The following CDH11 variants were observed in gnomAD, a reference collection of about 807,000 sequenced individuals.
The protein encoded by CDH11 is cadherin 11.
Under a neutral mutation model 67.8 loss-of-function variants are expected in CDH11, and 11 were observed. That is an observed-to-expected ratio of 0.16 (90% CI 0.10 to 0.27). The LOEUF (loss-of-function observed/expected upper bound fraction) is 0.27. CDH11 is among the 10% of genes least tolerant of loss of function. The pLI is 1.00. For synonymous variants in CDH11, 419 were observed against 400.0 expected, an observed-to-expected ratio of 1.05 and a Z score of -0.57; for missense variants, 847 against 1,031.2, an observed-to-expected ratio of 0.82 and a Z score of 2.45.
intron 1 of CDH11, among the ~76,000 whole-genome samples, chr16:65,083,260 C>A (rs1047945255): frequency 6.6e-6 from 1 of 152,178 alleles, no homozygotes; most frequent in Non-Finnish European, 1.5e-5. Flanking sequence ...TATCAGGCTG[C>A]CTGGTTCCAA....
intron 1 of CDH11, among the ~76,000 whole-genome samples, chr16:65,064,312 T>C (rs1165070968): frequency 3.3e-5 from 5 of 152,254 alleles, no homozygotes; most frequent in Non-Finnish European, 1.5e-5. Flanking sequence ...TCTGTTTCCT[T>C]ACCTGTAAAA....
chr16:64,960,759 G>C (rs1362151144), intron 11 of CDH11, among the ~76,000 whole-genome samples: 2 of 152,066 alleles, frequency 1.3e-5, no homozygotes, highest in Non-Finnish European at 2.9e-5. Context: ...AGTAAAGCAT[G>C]GAATGTCTTG....
intron 1 of CDH11, among the ~76,000 whole-genome samples, chr16:65,070,372 C>CAAGTTTA (rs1340275518): frequency 6.6e-6 from 1 of 152,100 alleles, no homozygotes; most frequent in Non-Finnish European, 1.5e-5. Context: ...CTCCATGGGG[C>CAAGTTTA]AAGTTTTGGA....
intron 1 of CDH11, among the ~76,000 whole-genome samples, chr16:65,074,089 A>C (rs1241341038): frequency 2.0e-5 from 3 of 152,242 alleles, no homozygotes; most frequent in Non-Finnish European, 4.4e-5. Context: ...TAAATCAAAC[A>C]AATAGAATAA....
intron 2 of CDH11, among the ~76,000 whole-genome samples, chr16:65,012,297 AAAC>A (rs1264463682): frequency 6.6e-6 from 1 of 152,224 alleles, no homozygotes; most frequent in Non-Finnish European, 1.5e-5. Context: ...ATGGCTCATT[AAAC>A]AACACCCAGT....
intron 2 of CDH11, among the ~76,000 whole-genome samples, chr16:65,020,841 A>G (rs907916280): frequency 1.3e-5 from 2 of 152,136 alleles, no homozygotes; most frequent in African/African-American, 4.8e-5. Context: ...TTCATTTGTC[A>G]GTTTTTAGGT....
At chr16:65,047,068 T>A (rs2073974050) in intron 2 of CDH11, among the ~76,000 whole-genome samples, 1 of 152,080 alleles carries the variant, frequency 6.6e-6, no homozygotes, top group Non-Finnish European at 1.5e-5. Context: ...GAGCCAAGAC[T>A]GCACCACTGC....
At chr16:65,103,772 A>T (rs1346338463) in intron 1 of CDH11, among the ~76,000 whole-genome samples, 1 of 152,178 alleles carries the variant, frequency 6.6e-6, no homozygotes, top group South Asian at 2.1e-4. Context: ...TTAGTATAAA[A>T]CACACTCCAC....
rs570226984 is a variant in CDH11 at position 65,084,323 on chromosome 16, G to T, written c.-297-30395C>A. On this transcript the variant is annotated intron_variant, in intron 1 of 12. Transcript: ENST00000268603. ...GGGCAAACATTAGTTGCACATGGGG[G>T]TACATGCCTGTAGTCCTAGCTACTT... Among the ~76,000 whole-genome samples the T allele has an allele frequency of 1.5e-4, 23 of 152,062 alleles. No homozygotes were observed. In the South Asian group the frequency reaches 4.6e-3, roughly 30 times the overall value.
rs74374709 is a variant in CDH11, at chr16:64,997,385, T to TA, written c.523+1176dup. 8.7e-3 allele frequency among the ~76,000 whole-genome samples: 816 copies of TA among 94,058 alleles called. 9 individuals carry two copies. Among genetic ancestry groups the TA allele is most frequent in the East Asian group, 0.059 (208 of 3,546 alleles). The allele number at this position is 94,058 out of a possible 152,430, so 61.7% of individuals were successfully genotyped here. A position where few individuals can be genotyped will look rare whatever the true frequency, so the allele number is the denominator to read the frequency against. On this transcript the variant is annotated intron_variant, in intron 4 of 12. Transcript: ENST00000268603. ...CTGAATCTAAAATAAAAGTTGAAAC[T>TA]AAAAAAAAAAAAAAAGCCTGAATTT...
intron 1 of CDH11, among the ~76,000 whole-genome samples, chr16:65,080,241 G>A (rs2074586188): frequency 6.6e-6 from 1 of 150,500 alleles, no homozygotes; most frequent in Non-Finnish European, 1.5e-5. Context: ...CTACTACTGG[G>A]CTACTCGGTA....
At chr16:65,001,540 A>G (rs966227494) in intron 3 of CDH11, among the ~76,000 whole-genome samples, 2 of 152,218 alleles carry the variant, frequency 1.3e-5, no homozygotes, top group African/African-American at 4.8e-5. Flanking sequence ...CTTTAATGGG[A>G]ATGCCCAGAC....
At chr16:65,002,150 C>T (rs559602802) in intron 3 of CDH11, among the ~76,000 whole-genome samples, 78 of 152,280 alleles carry the variant, frequency 5.1e-4, no homozygotes, top group South Asian at 4.1e-4. Context: ...CCTATCCAAC[C>T]GGACATCAGA....
intron 2 of CDH11, among the ~76,000 whole-genome samples, chr16:65,026,974 G>C (rs1479270263): frequency 6.6e-6 from 1 of 152,186 alleles, no homozygotes; most frequent in Admixed American, 6.5e-5. Context: ...AGCTCTGTAA[G>C]ATCTTATAAG....
intron 1 of CDH11, among the ~76,000 whole-genome samples, chr16:65,059,884 TAAAC>T (rs905896520): frequency 3.9e-5 from 6 of 152,196 alleles, no homozygotes; most frequent in Non-Finnish European, 5.9e-5. Flanking sequence ...GGGAAATGAA[TAAAC>T]AAACAGTCAT....
At chr16:65,114,410 G>A (rs1404055153) in intron 1 of CDH11, among the ~76,000 whole-genome samples, 1 of 152,016 alleles carries the variant, frequency 6.6e-6, no homozygotes, top group Non-Finnish European at 1.5e-5. Flanking sequence ...GAGCAGGTTT[G>A]GGAAGCCAGC....
chr16:65,075,329 C>T (rs1392559827), intron 1 of CDH11, among the ~76,000 whole-genome samples: 1 of 152,162 alleles, frequency 6.6e-6, no homozygotes, highest in Non-Finnish European at 1.5e-5. Flanking sequence ...GTGGCAGTGG[C>T]CTTTCAGACA....
chr16:65,105,583 C>T (rs1306380357), intron 1 of CDH11, among the ~76,000 whole-genome samples: 1 of 152,206 alleles, frequency 6.6e-6, no homozygotes, highest in Non-Finnish European at 1.5e-5. Context: ...AGAGCATGTG[C>T]ATGAATAGCA....
intron 11 of CDH11, among the ~76,000 whole-genome samples, chr16:64,951,798 G>A (rs952158361): frequency 2.0e-5 from 3 of 152,020 alleles, no homozygotes; most frequent in African/African-American, 7.2e-5. Context: ...AAATATACAT[G>A]CTTTAAAGAG....
Sources: gnomAD v4.1 joint callset for allele counts (sites outside exome capture counted in the v4.1 genomes callset) on GRCh38, gnomAD v4.1.1 for gene constraint, MANE v1.5 for transcripts, NCBI Gene and HGNC (gene_info 2026-07-23, HGNC 2026-07-21) for gene names.